LMO3: variants seen among roughly 807,000 people sequenced by gnomAD.
The protein encoded by LMO3 is LIM domain only protein 3.
A neutral mutation model predicts 15.8 loss-of-function variants in LMO3; 2 were observed. That is an observed-to-expected ratio of 0.13 (90% CI 0.05 to 0.40). The LOEUF is 0.40. LMO3 is among the 10% of genes least tolerant of loss of function. LMO3 has a pLI of 0.99. For synonymous variants in LMO3, 62 were observed against 63.8 expected (o/e 0.97, Z 0.13); for missense variants, 86 against 182.2 (o/e 0.47, Z 3.04).
chr12:16,587,459 A>AT lies in LMO3; in HGVS notation c.206+13195dup, dbSNP rs371441291. On this transcript the variant is annotated intron_variant, in intron 2 of 3. Coordinates refer to ENST00000537304, the MANE Select transcript of LMO3 (RefSeq NM_018640.5). This position sits in a 1 kb window ranked among gnomAD's most constrained non-coding sequence, Gnocchi z 4.3. ...CTAGAGAGCAAGGAATTCAAGTTCG[A>AT]TTTTTTTTTCTTTTACTTTGCCTAC... Among the ~76,000 whole-genome samples the AT allele has an allele frequency of 3.6e-4, 55 of 151,624 alleles. 1 individual carries two copies. Among genetic ancestry groups the AT allele is most frequent in the African/African-American group, 7.7e-4 (32 of 41,352 alleles).
At chr12:16,605,864 C>T (rs1943979048) in intron 1 of LMO3, 10 of 1,523,626 alleles carry the variant, frequency 6.6e-6, no homozygotes, top group African/African-American at 1.4e-5. Flanking sequence ...TGAAGCCTCA[C>T]ATGATTTAAA....
Position 16,559,837 on chromosome 12 carries a change from C to G in LMO3, c.332+576G>C, listed in dbSNP as rs182046291. Among the ~76,000 whole-genome samples, 370 of 151,648 alleles carry G rather than the reference C, an allele frequency of 2.4e-3. 1 individual carries two copies. Among genetic ancestry groups the G allele is most frequent in the Admixed American group, 5.6e-3 (85 of 15,214 alleles). On this transcript the variant is annotated intron_variant, in intron 3 of 3. Coordinates refer to ENST00000537304, the MANE Select transcript of LMO3 (RefSeq NM_018640.5). This position sits in a 1 kb window ranked among gnomAD's most constrained non-coding sequence, Gnocchi z 4.1. ...ATTAGCCAGGCATGGGAGTGCACAC[C>G]TGTACTCCCAGCTACTCGGGAGGCT...
At chr12:16,583,457 G>T (rs1398348815) in intron 2 of LMO3, among the ~76,000 whole-genome samples, 2 of 152,134 alleles carry the variant, frequency 1.3e-5, no homozygotes, top group Non-Finnish European at 2.9e-5. Context: ...ACTAAAGACT[G>T]AAGAAAAACA....
intron 3 of LMO3, among the ~76,000 whole-genome samples, chr12:16,551,943 A>G (rs2137250358): frequency 6.6e-6 from 1 of 152,158 alleles, no homozygotes; most frequent in South Asian, 2.1e-4. Flanking sequence ...CAAGTTCACC[A>G]ACATGAAATA....
upstream of LMO3, chr12:16,607,299 ACT>A (rs1944031060): frequency 6.6e-6 from 1 of 152,136 alleles, no homozygotes; most frequent in African/African-American, 2.4e-5. Flanking sequence ...ACTATTTAAA[ACT>A]CACACGCTCC....
chr12:16,571,337 T>G (rs1942806994), intron 2 of LMO3, among the ~76,000 whole-genome samples: 1 of 152,126 alleles, frequency 6.6e-6, no homozygotes, highest in Admixed American at 6.6e-5. Context: ...AAGCATATTC[T>G]ATTTGGTCAC....
At chr12:16,569,629 G>A (rs1157041044) in intron 2 of LMO3, among the ~76,000 whole-genome samples, 1 of 152,048 alleles carries the variant, frequency 6.6e-6, no homozygotes, top group East Asian at 1.9e-4. Flanking sequence ...ATATTTCCAG[G>A]CAAATATGGC....
At chr12:16,602,198 T>C (rs934498901) in intron 1 of LMO3, 2 of 152,228 alleles carry the variant, frequency 1.3e-5, no homozygotes, top group African/African-American at 2.4e-5. Context: ...GCATGCATTA[T>C]AGGATAAGAA....
intron 2 of LMO3, among the ~76,000 whole-genome samples, chr12:16,583,621 G>A (rs1014138716): frequency 3.3e-5 from 5 of 152,144 alleles, no homozygotes; most frequent in Non-Finnish European, 7.3e-5. Flanking sequence ...GTAAGAGGCT[G>A]ATTTATATCA....
At position 16,604,827 on chromosome 12, in the gene LMO3, C is replaced by A. The variant is rs1294336137; in HGVS notation, c.-9+1239G>T. The A allele has an allele frequency of 6.3e-7, 1 of 1,596,500 alleles. No homozygotes were observed. The highest frequency in any genetic ancestry group is 8.5e-7 in the Non-Finnish European group (1 of 1,178,112). ...CTTTTGAGCGGCCAGGAGTGCAGAG[C>A]GCCAGCAAAGTGCATCTATGATAGA... is the stretch of plus-strand genomic sequence containing the variant. On this transcript the variant is annotated intron_variant, in intron 1 of 3. Coordinates refer to ENST00000537304, the MANE Select transcript of LMO3 (RefSeq NM_018640.5). The surrounding 1 kb of genome is among the most constrained non-coding windows in gnomAD (Gnocchi z 5.3).
chr12:16,605,136 A>G, intron 1 of LMO3: 5 of 1,402,782 alleles, frequency 3.6e-6, no homozygotes, highest in Non-Finnish European at 4.6e-6. Flanking sequence ...AGTGTGCAAA[A>G]TGATGGCGAA....
At chr12:16,605,745 A>G in intron 1 of LMO3, 2 of 1,533,698 alleles carry the variant, frequency 1.3e-6, no homozygotes, top group Non-Finnish European at 1.7e-6. Context: ...GTGAACTTTG[A>G]CTATTATCCA....
Position 16,551,055 on chromosome 12 carries a change from A to G in LMO3, c.*167T>C, listed in dbSNP as rs142180808. 153 of 534,782 alleles carry G rather than the reference A, an allele frequency of 2.9e-4. No individual in the cohort carries two copies. In the East Asian group the frequency reaches 4.1e-3, roughly 14 times the overall value. 33.1% of individuals were successfully genotyped at this position (534,782 alleles called of 1,614,324 possible). On this transcript the variant is annotated 3_prime_UTR_variant, in exon 4 of 4. Transcript: ENST00000537304. ...TAAACATTCAACTCTGAACTGGGGC[A>G]ATTTCACTACATACAGATGCAGTCC...
At position 16,592,932 on chromosome 12, in the gene LMO3, A is replaced by G. The variant is rs112915834; in HGVS notation, c.206+7723T>C. 1.6e-3 allele frequency among the ~76,000 whole-genome samples: 239 copies of G among 152,044 alleles called. 3 individuals carry two copies. Among genetic ancestry groups the G allele is most frequent in the African/African-American group, 5.5e-3 (228 of 41,544 alleles). On this transcript the variant is annotated intron_variant, in intron 2 of 3. Coordinates refer to ENST00000537304, the MANE Select transcript of LMO3 (RefSeq NM_018640.5). Reference sequence around the variant, plus strand: ...AAAATAAAAACATAACATTGTTCTAAAAGTTTTAGAAACTAGGAGTAAAGT... The same window carrying G: ...AAAATAAAAACATAACATTGTTCTAGAAGTTTTAGAAACTAGGAGTAAAGT...
At chr12:16,610,092 A>C (rs1330425021), upstream of LMO3, 2 of 151,436 alleles carry the variant, frequency 1.3e-5, no homozygotes, top group African/African-American at 4.9e-5. Context: ...AACACAAATG[A>C]AAGAAACCTC....
intron 2 of LMO3, among the ~76,000 whole-genome samples, chr12:16,565,010 A>T (rs78291943): frequency 0.014 from 2,058 of 152,196 alleles, 50 homozygotes; most frequent in African/African-American, 0.048. Context: ...GGCTGAACTC[A>T]CACTCTTGGG....
rs1470008497 is a variant in LMO3 at position 16,584,049 on chromosome 12, G to A, written c.206+16606C>T. ...TATAATTCTGGGATGGCAGGCTGAT[G>A]TTCAGTAGGGTCAAGGAGGCTCAAC... On this transcript the variant is annotated intron_variant, in intron 2 of 3. Transcript: ENST00000537304. The surrounding 1 kb of genome is among the most constrained non-coding windows in gnomAD (Gnocchi z 5.2). Among the ~76,000 whole-genome samples the A allele has an allele frequency of 6.6e-6, 1 of 152,190 alleles. No homozygotes were observed. Among genetic ancestry groups the A allele is most frequent in the Non-Finnish European group, 1.5e-5 (1 of 68,030 alleles).
chr12:16,551,154 G>GTA lies in LMO3; in HGVS notation c.*66_*67dup. On this transcript the variant is annotated 3_prime_UTR_variant, in exon 4 of 4. Coordinates refer to ENST00000537304, the MANE Select transcript of LMO3 (RefSeq NM_018640.5). Reference sequence around the variant, plus strand: ...AGTAGGTTCCTGTGTCAATTCTTATGTACATGTGGAGCAAAAAAGATAAAA... The same window carrying GTA: ...AGTAGGTTCCTGTGTCAATTCTTATGTATACATGTGGAGCAAAAAAGATAAAA... The GTA allele has an allele frequency of 1.0e-6, 1 of 1,003,958 alleles. No homozygotes were observed. The highest frequency in any genetic ancestry group is 1.6e-6 in the Non-Finnish European group (1 of 626,400). The allele number at this position is 1,003,958 out of a possible 1,614,324, so 62.2% of individuals were successfully genotyped here.
Position 16,560,375 on chromosome 12 carries a change from T to G in LMO3, c.332+38A>C. ...TAAATAAATAGCCAGCACAGAGAGG[T>G]TAACCATTTCTTAGAGACCAAAAAG... On this transcript the variant is annotated intron_variant, in intron 3 of 3. Coordinates refer to ENST00000537304, the MANE Select transcript of LMO3 (RefSeq NM_018640.5). The surrounding 1 kb of genome is among the most constrained non-coding windows in gnomAD (Gnocchi z 5.0). 6.2e-7 allele frequency: 1 copy of G among 1,600,474 alleles called. No homozygotes were observed. Among genetic ancestry groups the G allele is most frequent in the Non-Finnish European group, 8.5e-7 (1 of 1,173,878 alleles).
Sources: allele counts gnomAD v4.1 joint callset (sites outside exome capture counted in the v4.1 genomes callset), GRCh38; gene constraint gnomAD v4.1.1; non-coding constraint Gnocchi (gnomAD v3.1); transcripts MANE v1.5; gene names NCBI Gene and HGNC (gene_info 2026-07-23, HGNC 2026-07-21).